Variants in COBLL1 observed in about 807,000 individuals in gnomAD.
COBLL1 encodes cordon-bleu WH2 repeat protein like 1.
Under a neutral mutation model 94.8 loss-of-function variants are expected in COBLL1, and 50 were observed. The ratio of observed to expected loss-of-function variants is 0.53; its 90% CI spans 0.42 to 0.67. The LOEUF (loss-of-function observed/expected upper bound fraction) is 0.67. Among genes scored for constraint, COBLL1 ranks in the 30% least tolerant of loss-of-function variants. The probability of loss-of-function intolerance (pLI) is 0.00; values close to 1 mark genes in which losing one functional copy is unlikely to be tolerated. For missense variants in COBLL1, 1,362 were observed against 1,348.7 expected (o/e 1.01, Z -0.15); for synonymous variants, 448 against 473.8 (o/e 0.95, Z 0.71).
intron 2 of COBLL1, among the ~76,000 whole-genome samples, chr2:164,775,999 C>A (rs929488583): frequency 6.6e-6 from 1 of 151,988 alleles, no homozygotes; most frequent in African/African-American, 2.4e-5. Flanking sequence ...AAGAATTTAC[C>A]TTGGTTCATT....
At chr2:164,769,463 C>A (rs1443854426) in intron 2 of COBLL1, among the ~76,000 whole-genome samples, 1 of 152,116 alleles carries the variant, frequency 6.6e-6, no homozygotes, top group African/African-American at 2.4e-5. Context: ...CCAAATACAT[C>A]ATTTTATATA....
intron 2 of COBLL1, chr2:164,773,704 TA>T: frequency 1.6e-6 from 2 of 1,241,756 alleles, no homozygotes; most frequent in Non-Finnish European, 2.1e-6. Context: ...CGTATTTACT[TA>T]CAACTGTTCC....
At chr2:164,670,028 AAATAT>A (rs1303858425) in intron 1 of COBLL1, among the ~76,000 whole-genome samples, 2 of 152,326 alleles carry the variant, frequency 1.3e-5, no homozygotes, top group African/African-American at 4.8e-5. Context: ...TTTCCATTGA[AAATAT>A]AATACAGATA....
chr2:164,687,085 A>G (rs1461301909), intron 13 of COBLL1, among the ~76,000 whole-genome samples: 2 of 152,208 alleles, frequency 1.3e-5, no homozygotes, highest in Admixed American at 1.3e-4. Context: ...TTGACGCTAC[A>G]CACCTAAAAG....
At chr2:164,788,801 C>T (rs771928364) in intron 2 of COBLL1, among the ~76,000 whole-genome samples, 1 of 151,180 alleles carries the variant, frequency 6.6e-6, no homozygotes, top group Non-Finnish European at 1.5e-5. Context: ...CCAAGACCAG[C>T]CTGGTCAACA....
chr2:164,691,823 T>C (rs1044889607), intron 13 of COBLL1, among the ~76,000 whole-genome samples: 2 of 152,200 alleles, frequency 1.3e-5, no homozygotes, highest in African/African-American at 4.8e-5. Context: ...GCCTCATATA[T>C]GTTAGTAACT....
At position 164,684,109 on chromosome 2, in the gene COBLL1, G is replaced by A. The variant is rs553555998; in HGVS notation, c.*1837C>T. On this transcript the variant is annotated 3_prime_UTR_variant, in exon 14 of 14. Transcript: ENST00000652658. Reference sequence around the variant, plus strand: ...TTGAAACTTCCGTTTTTGCTAATTTGATGTGGTACCTTTCCATGTTTTTAA... The same window carrying A: ...TTGAAACTTCCGTTTTTGCTAATTTAATGTGGTACCTTTCCATGTTTTTAA... 1.3e-5 allele frequency: 2 copies of A among 152,148 alleles called. No individual in the cohort carries two copies. Among genetic ancestry groups the A allele is most frequent in the African/African-American group, 4.8e-5 (2 of 41,532 alleles). The allele number at this position is 152,148 out of a possible 1,614,324, so 9.4% of individuals were successfully genotyped here.
Position 164,841,577 on chromosome 2 carries a change from G to T in COBLL1, c.-51+133C>A, listed in dbSNP as rs909009070. 1.9e-6 allele frequency: 1 copy of T among 533,674 alleles called. No homozygotes were observed. The highest frequency in any genetic ancestry group is 2.6e-6 in the Non-Finnish European group (1 of 385,868). The allele number at this position is 533,674 out of a possible 1,614,324, so 33.1% of individuals were successfully genotyped here. A position where few individuals can be genotyped will look rare whatever the true frequency, so the allele number is the denominator to read the frequency against. ...AGGAGGAGCGGGGCCGGGCGCACGG[G>T]CACCGCTGCCACGCCGGCAGCGCAC... On this transcript the variant is annotated intron_variant, in intron 1 of 13. Transcript: ENST00000652658. The surrounding 1 kb of genome is among the most constrained non-coding windows in gnomAD (Gnocchi z 5.5).
Position 164,694,785 on chromosome 2 carries a change from C to T in COBLL1, c.2607G>A (p.Leu869=). The change falls in exon 12 of 14, where the codon TTG becomes TTA. Residue 869 remains leucine, a synonymous_variant. Transcript: ENST00000652658. ...NAQAKPSSFF[L]QMQKRVSGHY... ...GACCCGATACTCTCTTCTGCATCTG[C>T]AAAAAAAAAGAGCTGGGTTTGGCCT... 2 of 1,595,590 alleles carry T rather than the reference C, an allele frequency of 1.3e-6. No homozygotes were observed. Among genetic ancestry groups the T allele is most frequent in the Non-Finnish European group, 1.7e-6 (2 of 1,168,472 alleles).
downstream of COBLL1, among the ~76,000 whole-genome samples, chr2:164,679,710 C>T (rs926742840): frequency 3.3e-5 from 5 of 149,640 alleles, no homozygotes; most frequent in African/African-American, 7.4e-5. Flanking sequence ...AACCAAACAC[C>T]GCATAAATGG....
intron 2 of COBLL1, among the ~76,000 whole-genome samples, chr2:164,789,526 TG>T (rs1207833646): frequency 1.3e-5 from 2 of 152,038 alleles, no homozygotes; most frequent in Non-Finnish European, 2.9e-5. Flanking sequence ...TAAGAATATG[TG>T]GGGAAGGAGA....
chr2:164,788,260 T>C (rs1346190466), intron 2 of COBLL1, among the ~76,000 whole-genome samples: 1 of 152,202 alleles, frequency 6.6e-6, no homozygotes, highest in Non-Finnish European at 1.5e-5. Context: ...CAAGTCTTGT[T>C]TGACAATCAG....
intron 11 of COBLL1, among the ~76,000 whole-genome samples, chr2:164,698,855 C>T (rs1684089023): frequency 6.6e-6 from 1 of 151,546 alleles, no homozygotes; most frequent in Non-Finnish European, 1.5e-5. Context: ...TGAATATATG[C>T]CTTATGATAT....
intron 2 of COBLL1, among the ~76,000 whole-genome samples, chr2:164,796,960 A>G (rs1683494062): frequency 6.6e-6 from 1 of 152,142 alleles, no homozygotes; most frequent in South Asian, 2.1e-4. Flanking sequence ...GGACAACAGA[A>G]CGAGACCCTA....
chr2:164,828,631 G>C (rs1685550715), intron 2 of COBLL1, among the ~76,000 whole-genome samples: 1 of 152,158 alleles, frequency 6.6e-6, no homozygotes, highest in Admixed American at 6.5e-5. Flanking sequence ...AATATAAGGA[G>C]ATGCACTAAC....
chr2:164,675,961 G>A (rs563676889), downstream of COBLL1, among the ~76,000 whole-genome samples: 31 of 152,258 alleles, frequency 2.0e-4, no homozygotes, highest in South Asian at 6.4e-3. Context: ...ATAGGCAACC[G>A]TGAACTATAC....
At chr2:164,803,393 G>A (rs1004060767) in intron 2 of COBLL1, among the ~76,000 whole-genome samples, 3 of 151,112 alleles carry the variant, frequency 2.0e-5, no homozygotes, top group Non-Finnish European at 3.0e-5. Context: ...GTGAAACCCC[G>A]TCTCTACTAA....
intron 2 of COBLL1, among the ~76,000 whole-genome samples, chr2:164,662,299 T>C (rs1221703586): frequency 2.0e-5 from 3 of 152,170 alleles, no homozygotes; most frequent in Non-Finnish European, 4.4e-5. Flanking sequence ...CTACTCAGCC[T>C]TGCTTAGTAA....
At chr2:164,790,822 C>T (rs355910) in intron 2 of COBLL1, among the ~76,000 whole-genome samples, 73,800 of 151,856 alleles carry the variant, frequency 0.49, 18,892 homozygotes, top group African/African-American at 0.65. Context: ...ACATAATACA[C>T]CATTGATCGC....
Sources: allele counts gnomAD v4.1 joint callset (sites outside exome capture counted in the v4.1 genomes callset), GRCh38; gene constraint gnomAD v4.1.1; non-coding constraint Gnocchi (gnomAD v3.1); transcripts MANE v1.5; gene names NCBI Gene and HGNC (gene_info 2026-07-23, HGNC 2026-07-21).